The following KCND2 variants were observed in gnomAD, a reference collection of about 807,000 sequenced individuals.
KCND2 encodes A-type voltage-gated potassium channel KCND2.
A neutral mutation model predicts 54.4 loss-of-function variants in KCND2; 16 were observed. The observed-to-expected ratio is 0.29, with a 90% CI of 0.20 to 0.45. KCND2 has a LOEUF of 0.45. Among genes scored for constraint, KCND2 ranks in the 20% least tolerant of loss-of-function variants. The pLI is 1.00. For missense variants in KCND2, 486 were observed against 824.2 expected, an observed-to-expected ratio of 0.59 and a Z score of 5.02; for synonymous variants, 317 against 310.7, an observed-to-expected ratio of 1.02 and a Z score of -0.21.
intron 1 of KCND2, among the ~76,000 whole-genome samples, chr7:120,382,736 A>G (rs911210704): frequency 2.6e-5 from 4 of 151,900 alleles, no homozygotes; most frequent in African/African-American, 4.8e-5. Flanking sequence ...GAATTTTACT[A>G]TACTATTGTG....
At chr7:120,446,397 TCAA>T (rs1802019339) in intron 1 of KCND2, among the ~76,000 whole-genome samples, 1 of 152,150 alleles carries the variant, frequency 6.6e-6, no homozygotes. Flanking sequence ...TAGATAACAA[TCAA>T]CAACCAATCC....
intron 1 of KCND2, among the ~76,000 whole-genome samples, chr7:120,524,165 G>A (rs545612632): frequency 2.0e-5 from 3 of 152,060 alleles, no homozygotes; most frequent in East Asian, 3.9e-4. Flanking sequence ...AACCCGGGAG[G>A]TGGAGGCTGC....
intron 1 of KCND2, among the ~76,000 whole-genome samples, chr7:120,365,141 T>G (rs1800649293): frequency 6.9e-6 from 1 of 145,328 alleles, no homozygotes; most frequent in Non-Finnish European, 1.5e-5. Context: ...TGAGATGAAA[T>G]TAAGGAAGGG....
intron 1 of KCND2, among the ~76,000 whole-genome samples, chr7:120,689,740 A>ATT (rs1307947356): frequency 6.6e-6 from 1 of 152,166 alleles, no homozygotes; most frequent in Non-Finnish European, 1.5e-5. Flanking sequence ...TTGCAGTCCC[A>ATT]TTTTTTTCTC....
At chr7:120,688,734 C>G (rs1792234105) in intron 1 of KCND2, among the ~76,000 whole-genome samples, 1 of 152,166 alleles carries the variant, frequency 6.6e-6, no homozygotes, top group African/African-American at 2.4e-5. Flanking sequence ...GATCTCATGG[C>G]ATAATCCTCT....
chr7:120,581,313 A>G (rs1475239915), intron 1 of KCND2, among the ~76,000 whole-genome samples: 1 of 152,216 alleles, frequency 6.6e-6, no homozygotes, highest in African/African-American at 2.4e-5. Context: ...TGAAATATTT[A>G]GTATCTGAGT....
intron 1 of KCND2, among the ~76,000 whole-genome samples, chr7:120,678,372 TACGCACAC>T (rs1406179375): frequency 1.2e-3 from 166 of 133,364 alleles, no homozygotes; most frequent in East Asian, 4.6e-3. Flanking sequence ...TATATATATA[TACGCACAC>T]ACACATATAT....
At chr7:120,716,536 C>A (rs1363810848) in intron 1 of KCND2, among the ~76,000 whole-genome samples, 1 of 152,118 alleles carries the variant, frequency 6.6e-6, no homozygotes, top group Non-Finnish European at 1.5e-5. Context: ...GGCATAATGG[C>A]TGGCTCCTTT....
At chr7:120,439,038 GATGATTCTTTGCTCTTT>G (rs1801911705) in intron 1 of KCND2, among the ~76,000 whole-genome samples, 1 of 152,094 alleles carries the variant, frequency 6.6e-6, no homozygotes, top group Admixed American at 6.6e-5. Context: ...TAGCTATACT[GATGATTCTTTGCTCTTT>G]ATATGAAATA....
At chr7:120,611,764 A>G (rs1428945327) in intron 1 of KCND2, among the ~76,000 whole-genome samples, 1 of 152,182 alleles carries the variant, frequency 6.6e-6, no homozygotes, top group Non-Finnish European at 1.5e-5. Context: ...CCTTTGACTG[A>G]TATTTAAAAT....
At chr7:120,636,691 C>T (rs1324636250) in intron 1 of KCND2, among the ~76,000 whole-genome samples, 2 of 151,888 alleles carry the variant, frequency 1.3e-5, no homozygotes, top group Admixed American at 6.6e-5. Flanking sequence ...AAAAATATCT[C>T]GATGTGAAAG....
intron 1 of KCND2, among the ~76,000 whole-genome samples, chr7:120,597,697 A>C (rs1222740730): frequency 6.6e-6 from 1 of 152,190 alleles, no homozygotes; most frequent in Non-Finnish European, 1.5e-5. Context: ...TGGGAAAGTG[A>C]AACAACCTAA....
chr7:120,595,982 A>G (rs531256147), intron 1 of KCND2, among the ~76,000 whole-genome samples: 1 of 152,174 alleles, frequency 6.6e-6, no homozygotes, highest in Non-Finnish European at 1.5e-5. Context: ...GGATGAATGA[A>G]TGACTTCATT....
intron 1 of KCND2, among the ~76,000 whole-genome samples, chr7:120,304,752 C>A (rs2116302008): frequency 6.6e-6 from 1 of 152,152 alleles, no homozygotes; most frequent in South Asian, 2.1e-4. Flanking sequence ...CTCCTTTCTT[C>A]TTTGCGAATT....
At chr7:120,337,726 G>A (rs973662233) in intron 1 of KCND2, among the ~76,000 whole-genome samples, 2 of 152,166 alleles carry the variant, frequency 1.3e-5, no homozygotes, top group African/African-American at 4.8e-5. Context: ...TCTAGAAAGA[G>A]CAAAAGGAAG....
At chr7:120,378,211 G>A (rs560030695) in intron 1 of KCND2, among the ~76,000 whole-genome samples, 1 of 151,748 alleles carries the variant, frequency 6.6e-6, no homozygotes, top group African/African-American at 2.4e-5. Context: ...TATATGCAAT[G>A]GTTTAAAATT....
At chr7:120,370,722 G>A (rs10266602) in intron 1 of KCND2, among the ~76,000 whole-genome samples, 9,958 of 151,960 alleles carry the variant, frequency 0.066, 1,090 homozygotes, top group African/African-American at 0.23. Flanking sequence ...AGATAACAGC[G>A]GAAAAGGGAC....
intron 1 of KCND2, among the ~76,000 whole-genome samples, chr7:120,604,525 T>C (rs931387217): frequency 7.5e-6 from 1 of 133,282 alleles, no homozygotes; most frequent in Non-Finnish European, 1.7e-5. Context: ...ATAATAATAA[T>C]AATAATAATA....
chr7:120,713,045 C>T (rs1222213433), intron 1 of KCND2, among the ~76,000 whole-genome samples: 4 of 152,206 alleles, frequency 2.6e-5, no homozygotes, highest in Non-Finnish European at 4.4e-5. Context: ...CTTGCTAAGC[C>T]TCCTTTCCCT....
Sources: gnomAD v4.1 joint callset for allele counts (sites outside exome capture counted in the v4.1 genomes callset) on GRCh38, gnomAD v4.1.1 for gene constraint, MANE v1.5 for transcripts, NCBI Gene and HGNC (gene_info 2026-07-23, HGNC 2026-07-21) for gene names.